EPHA6: variants seen among roughly 807,000 people sequenced by gnomAD.
The protein encoded by EPHA6 is EPH receptor A6.
Under a neutral mutation model 112.0 loss-of-function variants are expected in EPHA6, and 50 were observed. That is an observed-to-expected ratio of 0.45 (90% CI 0.36 to 0.56). The LOEUF (loss-of-function observed/expected upper bound fraction) is 0.56, where lower values mean the gene tolerates loss of function less well. EPHA6 is among the 20% of genes least tolerant of loss of function. EPHA6 has a pLI of 0.00. For synonymous variants in EPHA6, 529 were observed against 490.7 expected, an observed-to-expected ratio of 1.08 and a Z score of -1.03; for missense variants, 1,280 against 1,417.4, an observed-to-expected ratio of 0.90 and a Z score of 1.56.
chr3:97,263,885 T>TC (rs2079583922), intron 5 of EPHA6, among the ~76,000 whole-genome samples: 2 of 152,222 alleles, frequency 1.3e-5, no homozygotes, highest in Non-Finnish European at 2.9e-5. Flanking sequence ...TACATCATTG[T>TC]AGTTTTCTGT....
At chr3:96,834,551 C>T (rs2034286030) in intron 1 of EPHA6, among the ~76,000 whole-genome samples, 1 of 151,868 alleles carries the variant, frequency 6.6e-6, no homozygotes, top group Non-Finnish European at 1.5e-5. Context: ...AGCCTGGAAG[C>T]CCTGTTGTTG....
chr3:97,392,188 A>G (rs1023471270), intron 5 of EPHA6, among the ~76,000 whole-genome samples: 1 of 151,904 alleles, frequency 6.6e-6, no homozygotes, highest in Non-Finnish European at 1.5e-5. Context: ...CTTAGAATAA[A>G]TATTCAGAAT....
chr3:97,583,199 C>T (rs1364054241), intron 11 of EPHA6, among the ~76,000 whole-genome samples: 4 of 151,670 alleles, frequency 2.6e-5, no homozygotes, highest in African/African-American at 9.7e-5. Context: ...CTTAACAACG[C>T]CTTAGCTGAC....
chr3:97,367,776 A>T (rs1247877651), intron 5 of EPHA6, among the ~76,000 whole-genome samples: 2 of 152,126 alleles, frequency 1.3e-5, no homozygotes, highest in Non-Finnish European at 2.9e-5. Flanking sequence ...TTATATTACC[A>T]GGTTAATACA....
intron 16 of EPHA6, among the ~76,000 whole-genome samples, chr3:97,741,677 G>C (rs930402359): frequency 2.0e-5 from 3 of 152,084 alleles, no homozygotes; most frequent in African/African-American, 4.8e-5. Context: ...CCAAGTCCTT[G>C]CTCTTTCCAG....
chr3:97,680,178 G>A (rs1044059546), intron 14 of EPHA6, among the ~76,000 whole-genome samples: 34 of 152,164 alleles, frequency 2.2e-4, no homozygotes, highest in Non-Finnish European at 4.1e-4. Flanking sequence ...AAACGTAGTG[G>A]TAGGAATGGA....
intron 14 of EPHA6, among the ~76,000 whole-genome samples, chr3:97,657,457 C>G (rs2094143907): frequency 6.6e-6 from 1 of 151,704 alleles, no homozygotes; most frequent in Non-Finnish European, 1.5e-5. Context: ...GATATGGAGT[C>G]ATTAAGAAAT....
intron 3 of EPHA6, among the ~76,000 whole-genome samples, chr3:97,122,492 A>G (rs1048518392): frequency 1.3e-5 from 2 of 152,088 alleles, no homozygotes; most frequent in Non-Finnish European, 2.9e-5. Flanking sequence ...TCTACTGAGT[A>G]GATAATCCTT....
chr3:97,160,267 C>A (rs1208860355), intron 3 of EPHA6, among the ~76,000 whole-genome samples: 1 of 151,938 alleles, frequency 6.6e-6, no homozygotes, highest in African/African-American at 2.4e-5. Flanking sequence ...TCACCTAGGA[C>A]ACAAATATCT....
chr3:97,519,358 T>G (rs1443770743), intron 10 of EPHA6, among the ~76,000 whole-genome samples: 1 of 152,214 alleles, frequency 6.6e-6, no homozygotes, highest in Non-Finnish European at 1.5e-5. Flanking sequence ...GGTCTGTTTT[T>G]ATAGCAATAC....
intron 10 of EPHA6, among the ~76,000 whole-genome samples, chr3:97,518,854 T>C (rs1265685433): frequency 6.6e-6 from 1 of 152,120 alleles, no homozygotes; most frequent in Non-Finnish European, 1.5e-5. Flanking sequence ...TGTTTTGTTT[T>C]GTTTTTTGGG....
In EPHA6 at chr3:97,131,136, AAATT is replaced by A. The variant is rs139248104; in HGVS notation, c.1115-95123_1115-95120del. 3.1e-3 allele frequency among the ~76,000 whole-genome samples: 477 copies of A among 152,246 alleles called. 3 individuals are homozygous for A. The highest frequency in any genetic ancestry group is 0.01 in the African/African-American group (429 of 41,578). On this transcript the variant is annotated intron_variant, in intron 3 of 17. Coordinates refer to ENST00000389672, the MANE Select transcript of EPHA6 (RefSeq NM_001080448.3). ...CGTATTTAGAAAAGGAAAATTATCT[AAATT>A]AATTCCACAAGTGCATGCTTTGCTT... is the stretch of plus-strand genomic sequence containing the variant.
intron 5 of EPHA6, among the ~76,000 whole-genome samples, chr3:97,345,215 G>A (rs898835384): frequency 2.0e-5 from 3 of 152,154 alleles, no homozygotes; most frequent in African/African-American, 7.2e-5. Flanking sequence ...AATTCTGACA[G>A]TGTGTCACTT....
At chr3:97,316,060 C>T (rs780209508) in intron 5 of EPHA6, among the ~76,000 whole-genome samples, 43 of 151,788 alleles carry the variant, frequency 2.8e-4, no homozygotes, top group Non-Finnish European at 2.9e-4. Context: ...TAATGATTCT[C>T]AAACATTATT....
At chr3:96,949,544 C>G (rs1468035022) in intron 2 of EPHA6, among the ~76,000 whole-genome samples, 1 of 151,950 alleles carries the variant, frequency 6.6e-6, no homozygotes, top group Non-Finnish European at 1.5e-5. Flanking sequence ...GTAAAGTTAT[C>G]TATTAGCACA....
chr3:97,450,425 T>A (rs1188803927), intron 7 of EPHA6, among the ~76,000 whole-genome samples: 1 of 152,124 alleles, frequency 6.6e-6, no homozygotes, highest in African/African-American at 2.4e-5. Flanking sequence ...ACCTGACTTT[T>A]AAAGTTTGAC....
chr3:97,724,000 C>T (rs2034643834), intron 15 of EPHA6, among the ~76,000 whole-genome samples: 1 of 152,122 alleles, frequency 6.6e-6, no homozygotes, highest in Non-Finnish European at 1.5e-5. Context: ...TACAGTATTA[C>T]ATTTGACTTT....
intron 5 of EPHA6, among the ~76,000 whole-genome samples, chr3:97,349,889 A>G (rs1267224516): frequency 6.6e-6 from 1 of 151,980 alleles, no homozygotes; most frequent in Non-Finnish European, 1.5e-5. Context: ...TGTTGGGTTT[A>G]TGAATATCTT....
intron 2 of EPHA6, among the ~76,000 whole-genome samples, chr3:96,881,681 G>C (rs992651311): frequency 6.6e-6 from 1 of 152,128 alleles, no homozygotes; most frequent in East Asian, 1.9e-4. Context: ...ACTCATTTCA[G>C]CATTAACTCA....
Sources: allele counts gnomAD v4.1 joint callset (sites outside exome capture counted in the v4.1 genomes callset), GRCh38; gene constraint gnomAD v4.1.1; transcripts MANE v1.5; gene names NCBI Gene and HGNC (gene_info 2026-07-23, HGNC 2026-07-21).